The following ST7 variants were observed in gnomAD, a reference collection of about 807,000 sequenced individuals.
The protein encoded by ST7 is suppressor of tumorigenicity 7 protein.
A neutral mutation model predicts 78.7 loss-of-function variants in ST7; 28 were observed. That is an observed-to-expected ratio of 0.36 (90% CI 0.26 to 0.49). The LOEUF is 0.49. Among genes scored for constraint, ST7 ranks in the 20% least tolerant of loss-of-function variants. The pLI is 0.99. For synonymous variants in ST7, 247 were observed against 249.6 expected, an observed-to-expected ratio of 0.99 and a Z score of 0.10; for missense variants, 418 against 696.0, an observed-to-expected ratio of 0.60 and a Z score of 4.49.
intron 7 of ST7, among the ~76,000 whole-genome samples, 156 bp from the exon 8 acceptor site, chr7:117,135,925 A>AT (rs1804753467): frequency 6.6e-6 from 1 of 152,126 alleles, no homozygotes. Context: ...CTTTTGTACC[A>AT]TTATTTTGTG....
chr7:117,206,509 TAGA>T (rs527610864), intron 12 of ST7, among the ~76,000 whole-genome samples: 308 of 152,178 alleles, frequency 2.0e-3, no homozygotes, highest in African/African-American at 7.0e-3. Flanking sequence ...GGAGAGAACT[TAGA>T]GGAGAAACAG....
intron 10 of ST7, among the ~76,000 whole-genome samples, chr7:117,180,107 C>T (rs542939023): frequency 6.6e-6 from 1 of 152,284 alleles, no homozygotes; most frequent in South Asian, 2.1e-4. Context: ...AAACTATAAC[C>T]ACTTTATTTC....
intron 13 of ST7, among the ~76,000 whole-genome samples, chr7:117,213,175 C>G (rs1416220312): frequency 6.6e-6 from 1 of 152,204 alleles, no homozygotes; most frequent in Non-Finnish European, 1.5e-5. Context: ...GGAGGCTGCA[C>G]TTCCACCATT....
At chr7:117,069,399 G>A (rs1257132504) in intron 1 of ST7, among the ~76,000 whole-genome samples, 1 of 152,222 alleles carries the variant, frequency 6.6e-6, no homozygotes, top group Non-Finnish European at 1.5e-5. Context: ...TGGGCATACA[G>A]TATAACTTAA....
chr7:117,204,659 A>G (rs533015295), intron 12 of ST7, among the ~76,000 whole-genome samples: 3 of 152,324 alleles, frequency 2.0e-5, no homozygotes, highest in Middle Eastern at 3.4e-3. Context: ...GTCTCTCCCA[A>G]ATAGCACTAG....
Position 117,134,440 on chromosome 7 carries a change from C to T in ST7, c.710+248C>T, listed in dbSNP as rs550635107. Among the ~76,000 whole-genome samples, 11 of 152,134 alleles carry T rather than the reference C, an allele frequency of 7.2e-5. No individual in the cohort carries two copies. The South Asian group carries it at 2.1e-3, about 29-fold the overall frequency. ...GCTCTTAGCATGTTTCTATCCCAAACTCATGCGTTTCCACATAGATGTATG... is the reference window on the plus strand; with the variant it reads ...GCTCTTAGCATGTTTCTATCCCAAATTCATGCGTTTCCACATAGATGTATG... On this transcript the variant is annotated intron_variant, in intron 7 of 15. Transcript: ENST00000323984.
intron 10 of ST7, among the ~76,000 whole-genome samples, chr7:117,188,363 A>G (rs1809455040): frequency 6.6e-6 from 1 of 152,214 alleles, no homozygotes; most frequent in South Asian, 2.1e-4. Context: ...ATTTTGCAGC[A>G]TCTGGGAATG....
At chr7:117,047,587 CTG>C (rs1797556292) in intron 1 of ST7, among the ~76,000 whole-genome samples, 11 of 152,270 alleles carry the variant, frequency 7.2e-5, no homozygotes, top group Admixed American at 5.9e-4. Flanking sequence ...CGTTTATACT[CTG>C]TGCATTGTTA....
At chr7:117,042,610 G>A (rs1207078831) in intron 1 of ST7, among the ~76,000 whole-genome samples, 1 of 152,072 alleles carries the variant, frequency 6.6e-6, no homozygotes, top group African/African-American at 2.4e-5. Context: ...TTGCCAGTGA[G>A]TTCTTCAATG....
At position 116,999,172 on chromosome 7, in the gene ST7, C is replaced by T. The variant is rs558454292; in HGVS notation, c.151+45481C>T. ...ATTGCTTGAGATTGAAATATCTTTC[C>T]TTCTTTCTTTTTTTCAATAGTAGGC... On this transcript the variant is annotated intron_variant, in intron 1 of 15. Coordinates refer to ENST00000323984, the MANE Select transcript of ST7 (RefSeq NM_001369598.1). Among the ~76,000 whole-genome samples the T allele has an allele frequency of 7.9e-5, 12 of 152,042 alleles. 1 individual carries two copies. In the South Asian group the frequency reaches 2.3e-3, roughly 29 times the overall value.
chr7:117,194,196 A>G lies in ST7; in HGVS notation c.1254+3260A>G, dbSNP rs546805320. The stretch of plus-strand genomic sequence containing the variant: ...GCAAACACATAGGCTCATCATTACC[A>G]ACAGAATTGTCACTCCCTCCTGAGA... On this transcript the variant is annotated intron_variant, in intron 12 of 15. Coordinates refer to ENST00000323984, the MANE Select transcript of ST7 (RefSeq NM_001369598.1). Among the ~76,000 whole-genome samples the G allele has an allele frequency of 2.0e-5, 3 of 152,314 alleles. No individual in the cohort carries two copies. The South Asian group carries it at 6.2e-4, about 32-fold the overall frequency.
chr7:116,973,648 C>G (rs1197881630), intron 1 of ST7, among the ~76,000 whole-genome samples: 1 of 152,130 alleles, frequency 6.6e-6, no homozygotes, highest in African/African-American at 2.4e-5. Context: ...AACCATTGTC[C>G]TGAAGTTGGT....
At chr7:116,976,885 G>A (rs1005726997) in intron 1 of ST7, among the ~76,000 whole-genome samples, 2 of 152,196 alleles carry the variant, frequency 1.3e-5, no homozygotes, top group Admixed American at 1.3e-4. Flanking sequence ...AGTTTGATGA[G>A]TGTTAAATGA....
At chr7:116,965,751 AATAAG>A (rs1381995416) in intron 1 of ST7, 1 of 153,958 alleles carries the variant, frequency 6.5e-6, no homozygotes, top group Admixed American at 6.5e-5. Flanking sequence ...GATGAAAAAT[AATAAG>A]ATATTTGAAA....
intron 1 of ST7, among the ~76,000 whole-genome samples, chr7:117,098,155 C>T (rs931039884): frequency 1.4e-4 from 21 of 151,312 alleles, no homozygotes; most frequent in East Asian, 1.4e-3. Flanking sequence ...CAGTGGGAGG[C>T]GAGCTTATTG....
At chr7:117,023,195 A>G (rs1168918969) in intron 1 of ST7, among the ~76,000 whole-genome samples, 2 of 152,196 alleles carry the variant, frequency 1.3e-5, no homozygotes, top group Non-Finnish European at 2.9e-5. Flanking sequence ...ATCACATTAT[A>G]ATACATTCTG....
intron 15 of ST7, among the ~76,000 whole-genome samples, chr7:117,225,237 C>G (rs2116215221): frequency 6.6e-6 from 1 of 152,234 alleles, no homozygotes; most frequent in African/African-American, 2.4e-5. Context: ...CGCCTCATTT[C>G]ATGTTTTCAA....
chr7:117,115,542 T>G (rs926621895), intron 2 of ST7, among the ~76,000 whole-genome samples: 1 of 150,562 alleles, frequency 6.6e-6, no homozygotes, highest in Non-Finnish European at 1.5e-5. Context: ...TTTGTAGAGA[T>G]GGGGTTTCAC....
At chr7:116,961,255 C>G (rs149324709) in intron 1 of ST7, among the ~76,000 whole-genome samples, 169 of 152,232 alleles carry the variant, frequency 1.1e-3, no homozygotes, top group Non-Finnish European at 1.7e-3. Context: ...TAGCATGATG[C>G]CTCCAGCTTT....
Sources: gnomAD v4.1 joint callset for allele counts (sites outside exome capture counted in the v4.1 genomes callset) on GRCh38, gnomAD v4.1.1 for gene constraint, MANE v1.5 for transcripts, NCBI Gene and HGNC (gene_info 2026-07-23, HGNC 2026-07-21) for gene names.